The following TAF3 variants were observed in gnomAD, a reference collection of about 807,000 sequenced individuals.
The protein encoded by TAF3 is TATA-box binding protein associated factor 3.
A neutral mutation model predicts 80.6 loss-of-function variants in TAF3; 7 were observed. The observed-to-expected ratio is 0.09, with a 90% CI of 0.05 to 0.16. The LOEUF (loss-of-function observed/expected upper bound fraction) is 0.16. Among genes scored for constraint, TAF3 ranks in the 10% least tolerant of loss-of-function variants. The pLI is 1.00. For missense variants in TAF3, 921 were observed against 1,140.2 expected (o/e 0.81, Z 2.77); for synonymous variants, 444 against 446.1 (o/e 1.00, Z 0.06).
At chr10:7,962,407 T>C (rs1831517874) in intron 2 of TAF3, among the ~76,000 whole-genome samples, 1 of 152,174 alleles carries the variant, frequency 6.6e-6, no homozygotes, top group South Asian at 2.1e-4. Context: ...TCCCAACACA[T>C]ACCCCACACG....
At chr10:8,000,464 A>G (rs532478491) in intron 4 of TAF3, among the ~76,000 whole-genome samples, 1 of 152,070 alleles carries the variant, frequency 6.6e-6, no homozygotes, top group Admixed American at 6.5e-5. Context: ...TGGATAAATC[A>G]AAAGGAGAAA....
At chr10:7,906,693 G>A (rs557275495) in intron 2 of TAF3, among the ~76,000 whole-genome samples, 3 of 151,538 alleles carry the variant, frequency 2.0e-5, no homozygotes, top group African/African-American at 4.8e-5. Context: ...GGAACCAAAC[G>A]AATTAAATAG....
chr10:7,920,332 A>ATG (rs1347512701), intron 2 of TAF3, among the ~76,000 whole-genome samples: 1,117 of 28,920 alleles, frequency 0.039, 12 homozygotes, highest in African/African-American at 0.07. Flanking sequence ...GTGTGTGTGT[A>ATG]TGTGTGTGTG....
chr10:7,822,847 T>C (rs1460194698), intron 1 of TAF3, among the ~76,000 whole-genome samples: 1 of 152,204 alleles, frequency 6.6e-6, no homozygotes, highest in East Asian at 1.9e-4. Context: ...CTGCTAAGAA[T>C]AGGCATAAGA....
intron 3 of TAF3, among the ~76,000 whole-genome samples, chr10:7,974,303 C>T (rs1831650043): frequency 6.6e-6 from 1 of 152,050 alleles, no homozygotes; most frequent in Admixed American, 6.5e-5. Context: ...GAGACATCAG[C>T]CAAGAGTGAT....
chr10:7,825,652 T>C (rs1836733218), intron 2 of TAF3, among the ~76,000 whole-genome samples: 1 of 152,242 alleles, frequency 6.6e-6, no homozygotes, highest in South Asian at 2.1e-4. Flanking sequence ...ATTCATGTTG[T>C]AGCCTGTGTC....
chr10:7,894,171 G>A (rs1178479847), intron 2 of TAF3, among the ~76,000 whole-genome samples: 1 of 152,120 alleles, frequency 6.6e-6, no homozygotes, highest in Non-Finnish European at 1.5e-5. Context: ...TCCAAAGTTA[G>A]AGTCCCTCTC....
chr10:7,965,927 C>T (rs1831566809), intron 3 of TAF3, among the ~76,000 whole-genome samples, 185 bp downstream of exon 3: 1 of 152,116 alleles, frequency 6.6e-6, no homozygotes, highest in Admixed American at 6.5e-5. Context: ...TAATCAAGCC[C>T]TCAACACACT....
chr10:7,861,978 T>G (rs1224310072), intron 2 of TAF3, among the ~76,000 whole-genome samples: 1 of 152,190 alleles, frequency 6.6e-6, no homozygotes, highest in Admixed American at 6.5e-5. Context: ...GTTCTGCTCA[T>G]TTTTTTCAGT....
At chr10:7,988,197 C>T (rs767481477) in intron 4 of TAF3, among the ~76,000 whole-genome samples, 4 of 152,104 alleles carry the variant, frequency 2.6e-5, no homozygotes, top group Admixed American at 2.0e-4. Flanking sequence ...TAGGGTAGCT[C>T]ATGCCTATAA....
chr10:7,960,230 T>G (rs921296254), intron 2 of TAF3, among the ~76,000 whole-genome samples: 1 of 152,220 alleles, frequency 6.6e-6, no homozygotes, highest in Non-Finnish European at 1.5e-5. Context: ...AAAGCTGTCT[T>G]CTTTCTGATT....
chr10:7,827,520 G>T (rs1156936850), intron 2 of TAF3, among the ~76,000 whole-genome samples: 1 of 152,106 alleles, frequency 6.6e-6, no homozygotes, highest in Middle Eastern at 3.4e-3. Flanking sequence ...AGTGGCTCAC[G>T]CCTGTAATCC....
At chr10:7,867,769 A>G (rs944700880) in intron 2 of TAF3, among the ~76,000 whole-genome samples, 20 of 152,204 alleles carry the variant, frequency 1.3e-4, no homozygotes, top group African/African-American at 3.9e-4. Flanking sequence ...CCCTTGAACA[A>G]TATGGGAGTT....
intron 2 of TAF3, among the ~76,000 whole-genome samples, chr10:7,873,615 T>TTTC (rs1837286609): frequency 1.8e-5 from 1 of 54,474 alleles, no homozygotes; most frequent in African/African-American, 8.4e-5. Context: ...ACATCCGAGT[T>TTTC]CTCCCCCCCC....
intron 2 of TAF3, among the ~76,000 whole-genome samples, chr10:7,899,679 C>G (rs907262520): frequency 6.6e-6 from 1 of 152,100 alleles, no homozygotes; most frequent in African/African-American, 2.4e-5. Flanking sequence ...CTTAGATGTT[C>G]ACAGTAAACA....
chr10:7,871,217 C>T (rs1437976061), intron 2 of TAF3, among the ~76,000 whole-genome samples: 1 of 151,898 alleles, frequency 6.6e-6, no homozygotes, highest in Non-Finnish European at 1.5e-5. Flanking sequence ...GTAAATCAGA[C>T]TTGCATATGT....
chr10:7,982,631 C>G (rs1831736253), intron 4 of TAF3, among the ~76,000 whole-genome samples: 1 of 152,186 alleles, frequency 6.6e-6, no homozygotes, highest in Non-Finnish European at 1.5e-5. Flanking sequence ...AACTCCTAAC[C>G]TCCGGTGATC....
intron 2 of TAF3, among the ~76,000 whole-genome samples, chr10:7,958,528 A>G (rs934121210): frequency 6.6e-6 from 1 of 152,138 alleles, no homozygotes; most frequent in Non-Finnish European, 1.5e-5. Context: ...TATTTATGTA[A>G]AGTTCAAAAA....
chr10:7,873,500 A>AT (rs1277081006), intron 2 of TAF3, among the ~76,000 whole-genome samples: 1 of 152,194 alleles, frequency 6.6e-6, no homozygotes, highest in Non-Finnish European at 1.5e-5. Context: ...TCTTTTATGC[A>AT]TTAGTCACTG....
Sources: allele counts gnomAD v4.1 joint callset (sites outside exome capture counted in the v4.1 genomes callset), GRCh38; gene constraint gnomAD v4.1.1; transcripts MANE v1.5; gene names NCBI Gene and HGNC (gene_info 2026-07-23, HGNC 2026-07-21).